Variants in TJAP1 observed in about 807,000 individuals in gnomAD.
The protein encoded by TJAP1 is tight junction associated protein 1.
In TJAP1, 27 loss-of-function variants were observed where a neutral mutation model predicts 42.0. That is an observed-to-expected ratio of 0.64 (90% confidence interval 0.47 to 0.89). TJAP1 has a LOEUF of 0.89. Ranked by LOEUF, TJAP1 falls within the 40% of genes least tolerant of loss-of-function variation. TJAP1 has a pLI of 0.00. For synonymous variants in TJAP1, 257 were observed against 288.4 expected, an observed-to-expected ratio of 0.89 and a Z score of 1.10; for missense variants, 712 against 726.9, an observed-to-expected ratio of 0.98 and a Z score of 0.24.
rs779083811 is a variant in TJAP1 at position 43,504,886 on chromosome 6, G to T, written c.705G>T (p.Val235=). 7.4e-6 allele frequency: 12 copies of T among 1,614,220 alleles called. No individual in the cohort carries two copies. In the South Asian group the frequency reaches 7.7e-5, roughly 10 times the overall value. The stretch of plus-strand genomic sequence containing the variant: ...TGCCTACCTCAGTCATTGCCCGAGT[G>T]TTAGAGAAGCCGGAGTCTCTACTGC... Residue 235 remains valine (V), a synonymous_variant, in exon 11 of 11, where the codon GTG becomes GTT. Transcript: ENST00000372449.
exon 11 of TJAP1, chr6:43,506,359 A>C (rs1413154952): frequency 6.6e-6 from 1 of 152,312 alleles, no homozygotes; most frequent in African/African-American, 2.4e-5. Context: ...GACGAGGGAG[A>C]GGACTGATTC....
intron 2 of TJAP1, among the ~76,000 whole-genome samples, chr6:43,481,884 C>T (rs542550350): frequency 6.6e-6 from 1 of 152,284 alleles, no homozygotes; most frequent in African/African-American, 2.4e-5. Flanking sequence ...CAACAAATGA[C>T]TCTCTACCCT....
chr6:43,487,473 G>C (rs914528724), intron 2 of TJAP1, among the ~76,000 whole-genome samples: 1 of 152,110 alleles, frequency 6.6e-6, no homozygotes, highest in Non-Finnish European at 1.5e-5. Flanking sequence ...GAGCTTTCCA[G>C]GCTTTGCACT....
chr6:43,481,567 G>A (rs1430679159), intron 2 of TJAP1, among the ~76,000 whole-genome samples: 1 of 134,602 alleles, frequency 7.4e-6, no homozygotes, highest in Non-Finnish European at 1.6e-5. Context: ...ATAAAAATAG[G>A]AAGTAGCAAA....
exon 2 of TJAP1, chr6:43,478,110 T>G (rs1258742876): frequency 6.6e-6 from 1 of 152,250 alleles, no homozygotes; most frequent in Non-Finnish European, 1.5e-5. Flanking sequence ...TTTCCACAGC[T>G]GTTAGCAGCA....
At chr6:43,478,169 A>C (rs1026405356) in exon 2 of TJAP1, 8 of 152,210 alleles carry the variant, frequency 5.3e-5, no homozygotes, top group African/African-American at 1.7e-4. Flanking sequence ...GACTGGAAGA[A>C]ATTACAGTGC....
rs140868873 is a variant in TJAP1, at chr6:43,501,561, G to A, written c.164G>A (p.Arg55His). 4.9e-3 allele frequency: 7,871 copies of A among 1,613,904 alleles called. 25 individuals carry two copies. The highest frequency in any genetic ancestry group is 6.1e-3 in the Non-Finnish European group (7,206 of 1,180,014). The change falls in exon 6 of 11, where the codon CGC (arginine) becomes CAC (histidine). Residue 55 changes from arginine to histidine, a missense_variant. Physicochemically the swap from Arg to His is conservative, Grantham distance 29. This residue lies in a region of TJAP1 where 158 missense variants were observed against 182.1 expected (regional missense o/e 0.87). Coordinates refer to ENST00000372449, the Ensembl canonical transcript of TJAP1. ...GAGGAGAATGAAGAGCTTCGCCGGC[G>A]CCTGGCCTCCGCCACCAGACGCACT...
chr6:43,490,109 G>C (rs1235088558), intron 2 of TJAP1, among the ~76,000 whole-genome samples: 1 of 152,196 alleles, frequency 6.6e-6, no homozygotes, highest in Non-Finnish European at 1.5e-5. Flanking sequence ...CCGCAGCCTG[G>C]CTGCCTCCCT....
chr6:43,506,030 TGA>T, exon 11 of TJAP1: 1 of 528,768 alleles, frequency 1.9e-6, no homozygotes, highest in Non-Finnish European at 3.0e-6. Context: ...TCAGCTGCGT[TGA>T]CTGACTGCAG....
intron 10 of TJAP1, chr6:43,504,113 TTC>T: frequency 3.1e-6 from 1 of 324,752 alleles, no homozygotes; most frequent in South Asian, 2.8e-5. Context: ...GTAGAGGTAT[TTC>T]TTTTTTTTTT....
rs1275291515 is a variant in TJAP1 at position 43,492,650 on chromosome 6, A to G, written c.-121-5231A>G. Among the ~76,000 whole-genome samples the G allele has an allele frequency of 6.6e-6, 1 of 152,136 alleles. No homozygotes were observed. Among genetic ancestry groups the G allele is most frequent in the Non-Finnish European group, 1.5e-5 (1 of 68,006 alleles). On this transcript the variant is annotated intron_variant, in intron 2 of 10. Coordinates refer to ENST00000372449, the Ensembl canonical transcript of TJAP1. The surrounding 1 kb of genome is among the most constrained non-coding windows in gnomAD (Gnocchi z 4.2). Reference sequence around the variant, plus strand: ...CAGCCCACTGCTCTGGGGGACTGCTATTCATGGGGAGTCAGTGGGAGAGGG... The same window carrying G: ...CAGCCCACTGCTCTGGGGGACTGCTGTTCATGGGGAGTCAGTGGGAGAGGG...
intron 4 of TJAP1, 83 bp downstream of exon 4, chr6:43,499,183 C>A: frequency 6.4e-7 from 1 of 1,568,412 alleles, no homozygotes; most frequent in Non-Finnish European, 8.6e-7. Context: ...CCTGCCTGAG[C>A]TTCTGGTCCT....
exon 11 of TJAP1, chr6:43,506,007 C>A: frequency 1.4e-6 from 1 of 721,890 alleles, no homozygotes; most frequent in Non-Finnish European, 2.0e-6. Flanking sequence ...GGTTGTGGGC[C>A]ATGCCAGGCC....
chr6:43,481,551 T>C (rs1204207269), intron 2 of TJAP1, among the ~76,000 whole-genome samples: 1 of 93,738 alleles, frequency 1.1e-5, no homozygotes, highest in Admixed American at 1.1e-4. Flanking sequence ...TTTGAAACAA[T>C]AAATAATAAA....
In TJAP1 at chr6:43,495,840, G is replaced by T. The variant is rs1029353534; in HGVS notation, c.-121-2041G>T. On this transcript the variant is annotated intron_variant, in intron 2 of 10. Coordinates refer to ENST00000372449, the Ensembl canonical transcript of TJAP1. The surrounding 1 kb of genome is among the most constrained non-coding windows in gnomAD (Gnocchi z 4.6). ...GGTCAGGGTGAGGCAGGAGGAGCTA[G>T]AGGATGTGTGGCAACTAGAGCCAGG... Among the ~76,000 whole-genome samples the T allele has an allele frequency of 6.6e-6, 1 of 152,168 alleles. No homozygotes were observed. The highest frequency in any genetic ancestry group is 2.1e-4 in the South Asian group (1 of 4,826).
chr6:43,483,727 T>A (rs1198451552), intron 2 of TJAP1, among the ~76,000 whole-genome samples: 2 of 152,226 alleles, frequency 1.3e-5, no homozygotes, highest in African/African-American at 4.8e-5. Flanking sequence ...TTGGGCAAGT[T>A]CCTTAACCAG....
At position 43,502,072 on chromosome 6, in the gene TJAP1, A is replaced by ACTCTCTCTCTCT. The variant is rs1319116155; in HGVS notation, c.291-210_291-209insTCTCTCTCTCTC. ...GACACACACACACACACACACACAC[A>ACTCTCTCTCTCT]CACACTCTCTCTCTCTCTCTCTCTC... On this transcript the variant is annotated intron_variant, in intron 6 of 10. Coordinates refer to ENST00000372449, the Ensembl canonical transcript of TJAP1. Among the ~76,000 whole-genome samples, 14 of 117,222 alleles carry ACTCTCTCTCTCT rather than the reference A, an allele frequency of 1.2e-4. 4 individuals carry two copies. Among genetic ancestry groups the ACTCTCTCTCTCT allele is most frequent in the African/African-American group, 6.0e-4 (13 of 21,756 alleles). 76.9% of individuals were successfully genotyped at this position (117,222 alleles called of 152,430 possible).
At position 43,491,324 on chromosome 6, in the gene TJAP1, C is replaced by T. The variant is rs949160255; in HGVS notation, c.-121-6557C>T. 2.0e-5 allele frequency among the ~76,000 whole-genome samples: 3 copies of T among 152,140 alleles called. No homozygotes were observed. The highest frequency in any genetic ancestry group is 3.2e-3 in the Middle Eastern group (1 of 316). ...GTTTTTTTTGAGACAGAGTTTCGCT[C>T]TTGTTGCCCAGGCTGGAGTGCAATG... On this transcript the variant is annotated intron_variant, in intron 2 of 10. Transcript: ENST00000372449. This position sits in a 1 kb window ranked among gnomAD's most constrained non-coding sequence, Gnocchi z 4.6.
intron 2 of TJAP1, among the ~76,000 whole-genome samples, chr6:43,481,595 A>T (rs1462701937): frequency 1.3e-5 from 2 of 152,112 alleles, no homozygotes; most frequent in Non-Finnish European, 2.9e-5. Context: ...GAAAAAAAAA[A>T]AAAGAAGTGG....
Sources: gnomAD v4.1 joint callset for allele counts (sites outside exome capture counted in the v4.1 genomes callset) on GRCh38, gnomAD v4.1.1 for gene constraint, gnomAD v4.1.1 regional missense constraint, Gnocchi (gnomAD v3.1) non-coding constraint, MANE v1.5 for transcripts, NCBI Gene and HGNC (gene_info 2026-07-23, HGNC 2026-07-21) for gene names.